The following UPF2 variants were observed in gnomAD, a reference collection of about 807,000 sequenced individuals.
UPF2 encodes UPF2 regulator of nonsense mediated mRNA decay, also known as regulator of nonsense transcripts 2.
UPF2 carries 17 observed loss-of-function variants against 141.4 expected under a neutral mutation model. The ratio of observed to expected loss-of-function variants is 0.12; its 90% CI spans 0.08 to 0.18. UPF2 has a LOEUF of 0.18. Ranked by LOEUF, UPF2 falls within the 10% of genes least tolerant of loss-of-function variation. UPF2 has a pLI of 1.00. For synonymous variants in UPF2, 540 were observed against 498.0 expected, an observed-to-expected ratio of 1.08 and a Z score of -1.12; for missense variants, 1,152 against 1,515.9, an observed-to-expected ratio of 0.76 and a Z score of 3.99.
At chr10:11,925,664 G>A (rs149313030) in intron 21 of UPF2, among the ~76,000 whole-genome samples, 59 of 152,318 alleles carry the variant, frequency 3.9e-4, no homozygotes, top group African/African-American at 1.3e-3. Flanking sequence ...CAGCAGATCC[G>A]CACTGACCTA....
At chr10:11,978,495 T>C (rs1833542339) in intron 9 of UPF2, among the ~76,000 whole-genome samples, 1 of 152,080 alleles carries the variant, frequency 6.6e-6, no homozygotes. Flanking sequence ...CTTCTAGGGT[T>C]AGAGAGGAAG....
intron 21 of UPF2, among the ~76,000 whole-genome samples, chr10:11,923,742 G>A (rs1490244530): frequency 1.3e-5 from 2 of 151,868 alleles, no homozygotes. Flanking sequence ...GGGAGGCTGA[G>A]GCACAAGAAT....
rs1403732514 is a variant in UPF2, at chr10:12,016,715, G to C, written c.1146-2531C>G. Among the ~76,000 whole-genome samples, 1 of 148,230 alleles carries C rather than the reference G, an allele frequency of 6.7e-6. No homozygotes were observed. Among genetic ancestry groups the C allele is most frequent in the African/African-American group, 2.5e-5 (1 of 40,126 alleles). On this transcript the variant is annotated intron_variant, in intron 3 of 21. Transcript: ENST00000357604. The surrounding 1 kb of genome is among the most constrained non-coding windows in gnomAD (Gnocchi z 4.1). Reference sequence around the variant, plus strand: ...TAAAAAAAAAAAGAAAAAGAAGTAAGTTACTTAAAAATATCTGCAATGTAG... The same window carrying C: ...TAAAAAAAAAAAGAAAAAGAAGTAACTTACTTAAAAATATCTGCAATGTAG...
Position 11,980,987 on chromosome 10 carries a change from A to G in UPF2, c.1845-1822T>C, listed in dbSNP as rs893024134. The stretch of plus-strand genomic sequence containing the variant: ...TGGATCACCTGAGGTGAGGAGTTCA[A>G]GACCAGCCTGGCCAACATGGTGAAA... On this transcript the variant is annotated intron_variant, in intron 8 of 21. Transcript: ENST00000357604. The surrounding 1 kb of genome is among the most constrained non-coding windows in gnomAD (Gnocchi z 4.2). Among the ~76,000 whole-genome samples, 2 of 152,124 alleles carry G rather than the reference A, an allele frequency of 1.3e-5. No individual in the cohort carries two copies. Among genetic ancestry groups the G allele is most frequent in the Non-Finnish European group, 2.9e-5 (2 of 68,022 alleles).
At chr10:11,949,285 T>G (rs1478867170) in intron 15 of UPF2, among the ~76,000 whole-genome samples, 1 of 152,196 alleles carries the variant, frequency 6.6e-6, no homozygotes, top group Admixed American at 6.5e-5. Context: ...CTTAGACGTC[T>G]CCTGTCACAG....
At chr10:11,986,463 T>C (rs1223218683) in intron 8 of UPF2, among the ~76,000 whole-genome samples, 1 of 152,164 alleles carries the variant, frequency 6.6e-6, no homozygotes, top group Non-Finnish European at 1.5e-5. Flanking sequence ...GAAATTCTTA[T>C]GGGTTTTCAT....
At chr10:12,005,841 G>C (rs748629222) in intron 4 of UPF2, among the ~76,000 whole-genome samples, 3 of 143,112 alleles carry the variant, frequency 2.1e-5, no homozygotes, top group Non-Finnish European at 3.1e-5. Context: ...AAAGTGCTGG[G>C]ATTACAGGCG....
rs374923406 is a variant in UPF2 at position 12,042,208 on chromosome 10, C to T, written c.-19+547G>A. Among the ~76,000 whole-genome samples the T allele has an allele frequency of 3.9e-5, 6 of 151,950 alleles. No individual in the cohort carries two copies. The highest frequency in any genetic ancestry group is 3.2e-3 in the Middle Eastern group (1 of 314). ...AACCTCTAAACCCACCACACTTCCC[C>T]GACACAACTCCCCTTCCCACAGGTA... On this transcript the variant is annotated intron_variant, in intron 1 of 21. Coordinates refer to ENST00000357604, the MANE Select transcript of UPF2 (RefSeq NM_015542.4). The surrounding 1 kb of genome is among the most constrained non-coding windows in gnomAD (Gnocchi z 5.5).
intron 2 of UPF2, 78 bp from the exon 3 acceptor site, chr10:12,029,602 G>C (rs989191299): frequency 2.1e-6 from 3 of 1,426,854 alleles, no homozygotes; most frequent in Non-Finnish European, 2.8e-6. Context: ...AGAGTAAAAA[G>C]CCAATGAAAA....
At chr10:11,955,054 C>T (rs7071620) in intron 14 of UPF2, among the ~76,000 whole-genome samples, 178 bp downstream of exon 14, 98,445 of 151,808 alleles carry the variant, frequency 0.65, 33,222 homozygotes, top group East Asian at 0.84. Flanking sequence ...AATGTTCATA[C>T]AATAGAATCC....
At chr10:12,000,275 G>A (rs888673189) in intron 6 of UPF2, among the ~76,000 whole-genome samples, 2 of 152,192 alleles carry the variant, frequency 1.3e-5, no homozygotes, top group Non-Finnish European at 2.9e-5. Context: ...AGCATGCAGT[G>A]TTATGGTAAA....
Position 11,934,073 on chromosome 10 carries a change from A to G in UPF2, c.3547-2291T>C, listed in dbSNP as rs540514662. Among the ~76,000 whole-genome samples, 4 of 152,338 alleles carry G rather than the reference A, an allele frequency of 2.6e-5. No individual in the cohort carries two copies. In the East Asian group the frequency reaches 7.7e-4, roughly 29 times the overall value. Reference sequence around the variant, plus strand: ...TTACCTTTAGAAACTGTGTGCCAAGAAAGCCGGTGATGGGGGGAATGGAGG... The same window carrying G: ...TTACCTTTAGAAACTGTGTGCCAAGGAAGCCGGTGATGGGGGGAATGGAGG... On this transcript the variant is annotated intron_variant, in intron 19 of 21. Transcript: ENST00000357604.
At position 11,931,665 on chromosome 10, in the gene UPF2, G is replaced by A; in HGVS notation, c.3664C>T (p.Arg1222Trp). The A allele has an allele frequency of 1.9e-6, 3 of 1,606,144 alleles. No homozygotes were observed. Among genetic ancestry groups the A allele is most frequent in the South Asian group, 1.1e-5 (1 of 88,712 alleles). ...CCTTGATAATCTTCTTGTTCTTGCC[G>A]TTCATTGATATCTAGTGTGAGCTTT... Reference protein sequence around the residue: ...MKKLTLDINERQEQEDYQEML... With the variant: ...MKKLTLDINEWQEQEDYQEML... The change falls in exon 20 of 22, where the codon CGG becomes TGG. Residue 1222 changes from arginine to tryptophan, a missense_variant. This residue lies in a region of UPF2 where 66 missense variants were observed against 123.5 expected (regional missense o/e 0.53). Coordinates refer to ENST00000357604, the MANE Select transcript of UPF2 (RefSeq NM_015542.4). The surrounding 1 kb of genome is among the most constrained non-coding windows in gnomAD (Gnocchi z 5.9).
chr10:11,991,551 G>A (rs1173231079), intron 8 of UPF2, among the ~76,000 whole-genome samples: 1 of 151,916 alleles, frequency 6.6e-6, no homozygotes. Context: ...TCCTAGGAAA[G>A]TTATTGGATT....
In UPF2 at chr10:11,940,431, C is replaced by A. The variant is rs1832922881; in HGVS notation, c.3378+2234G>T. ...TTCCGATGCTTTCAATATACTCTAC[C>A]CATCACATTTCTGTTTTCACTCCAC... On this transcript the variant is annotated intron_variant, in intron 18 of 21. Transcript: ENST00000357604. This position sits in a 1 kb window ranked among gnomAD's most constrained non-coding sequence, Gnocchi z 4.2. Among the ~76,000 whole-genome samples the A allele has an allele frequency of 6.6e-6, 1 of 152,148 alleles. No individual in the cohort carries two copies. Among genetic ancestry groups the A allele is most frequent in the Admixed American group, 6.5e-5 (1 of 15,270 alleles).
At chr10:11,993,935 G>C (rs1018522641) in intron 8 of UPF2, among the ~76,000 whole-genome samples, 58 of 152,106 alleles carry the variant, frequency 3.8e-4, no homozygotes, top group African/African-American at 1.3e-3. Context: ...GCTGCAGTGA[G>C]CTGTAATCTC....
chr10:11,933,834 T>C (rs996644217), intron 19 of UPF2, among the ~76,000 whole-genome samples: 1 of 152,270 alleles, frequency 6.6e-6, no homozygotes, highest in Admixed American at 6.5e-5. Context: ...CATTATTTAC[T>C]GTTGTACAAT....
At chr10:12,021,026 A>G (rs1351043009) in intron 3 of UPF2, among the ~76,000 whole-genome samples, 1 of 152,186 alleles carries the variant, frequency 6.6e-6, no homozygotes, top group Non-Finnish European at 1.5e-5. Context: ...TTGAGCGGCT[A>G]ACATGTATAC....
Position 11,929,938 on chromosome 10 carries a change from G to A in UPF2, c.3736C>T (p.Arg1246Cys), listed in dbSNP as rs866288655. The change falls in exon 21 of 22, where the codon CGT (arginine) becomes TGT (cysteine). Residue 1246 changes from arginine (R) to cysteine (C), a missense_variant. Arg to Cys is a radical substitution (Grantham distance 180). Around this residue, in one of 4 missense-constraint regions of UPF2, gnomAD observed 66 missense variants for 123.5 expected, o/e 0.53. Coordinates refer to ENST00000357604, the MANE Select transcript of UPF2 (RefSeq NM_015542.4). ...AQRPAPANTN[R>C]ERRPRYQHPK... ...TGTTGGTAGCGAGGCCGCCTCTCAC[G>A]ATTGGTGTTTGCTGGAGCTGGGCGC... 1 of 1,614,228 alleles carries A rather than the reference G, an allele frequency of 6.2e-7. No individual in the cohort carries two copies. Among genetic ancestry groups the A allele is most frequent in the Non-Finnish European group, 8.5e-7 (1 of 1,180,042 alleles).
Sources: gnomAD v4.1 joint callset for allele counts (sites outside exome capture counted in the v4.1 genomes callset) on GRCh38, gnomAD v4.1.1 for gene constraint, gnomAD v4.1.1 regional missense constraint, Gnocchi (gnomAD v3.1) non-coding constraint, MANE v1.5 for transcripts, NCBI Gene and HGNC (gene_info 2026-07-23, HGNC 2026-07-21) for gene names.